The following ZNF644 variants were observed in gnomAD, a reference collection of about 807,000 sequenced individuals.
The protein encoded by ZNF644 is zinc finger protein 644.
A neutral mutation model predicts 108.0 loss-of-function variants in ZNF644; 20 were observed. That is an observed-to-expected ratio of 0.19 (90% confidence interval 0.13 to 0.27). The LOEUF (loss-of-function observed/expected upper bound fraction) is 0.27. Among genes scored for constraint, ZNF644 ranks in the 10% least tolerant of loss-of-function variants. The pLI, the probability that ZNF644 is intolerant of heterozygous loss-of-function variation, is 1.00. For missense variants in ZNF644, 1,338 were observed against 1,548.9 expected (o/e 0.86, Z 2.29); for synonymous variants, 542 against 539.1 (o/e 1.01, Z -0.08).
chr1:90,976,892 T>C (rs1656066488), intron 2 of ZNF644, among the ~76,000 whole-genome samples: 2 of 152,140 alleles, frequency 1.3e-5, no homozygotes, highest in Admixed American at 6.5e-5. Context: ...AATAAAGGCA[T>C]CACACTAGAA....
intron 4 of ZNF644, among the ~76,000 whole-genome samples, chr1:90,933,469 C>T (rs1650967292): frequency 6.6e-6 from 1 of 152,030 alleles, no homozygotes; most frequent in Non-Finnish European, 1.5e-5. Flanking sequence ...CGAGACCAGC[C>T]TGTCCAACAT....
At chr1:90,942,223 T>C (rs1229822270) in intron 2 of ZNF644, among the ~76,000 whole-genome samples, 1 of 152,190 alleles carries the variant, frequency 6.6e-6, no homozygotes, top group Non-Finnish European at 1.5e-5. Flanking sequence ...ACATATGTTT[T>C]AAATTTATTT....
At chr1:90,997,283 G>A (rs1053007906) in intron 1 of ZNF644, among the ~76,000 whole-genome samples, 1 of 152,148 alleles carries the variant, frequency 6.6e-6, no homozygotes, top group Non-Finnish European at 1.5e-5. Context: ...AGTGTTGAAG[G>A]AGCATCCCAA....
intron 2 of ZNF644, among the ~76,000 whole-genome samples, chr1:90,964,669 A>C (rs889404014): frequency 1.3e-5 from 2 of 152,190 alleles, no homozygotes; most frequent in Non-Finnish European, 2.9e-5. Flanking sequence ...TTTTTCCAAA[A>C]TACCACACTG....
At chr1:90,929,185 A>C (rs1388323072) in intron 4 of ZNF644, among the ~76,000 whole-genome samples, 1 of 152,206 alleles carries the variant, frequency 6.6e-6, no homozygotes, top group Non-Finnish European at 1.5e-5. Context: ...CAGAAAAAAA[A>C]GGAATCTCAA....
chr1:91,006,170 T>C (rs1232273423), intron 1 of ZNF644, among the ~76,000 whole-genome samples: 1 of 152,170 alleles, frequency 6.6e-6, no homozygotes, highest in African/African-American at 2.4e-5. Flanking sequence ...AAACCCAAAC[T>C]GTTGAAACTG....
At chr1:90,967,894 CAAA>C (rs147387016) in intron 2 of ZNF644, among the ~76,000 whole-genome samples, 2 of 123,424 alleles carry the variant, frequency 1.6e-5, no homozygotes, top group Admixed American at 8.3e-5. Flanking sequence ...AAAAAAAATA[CAAA>C]AAAAAAAAAA....
At chr1:91,001,983 ACCT>A (rs1658885385) in intron 1 of ZNF644, among the ~76,000 whole-genome samples, 1 of 152,190 alleles carries the variant, frequency 6.6e-6, no homozygotes, top group Admixed American at 6.5e-5. Flanking sequence ...GATCTGAAGG[ACCT>A]CCTCAAGGAG....
intron 1 of ZNF644, among the ~76,000 whole-genome samples, chr1:91,003,390 A>T (rs1659081311): frequency 6.6e-6 from 1 of 152,208 alleles, no homozygotes; most frequent in African/African-American, 2.4e-5. Context: ...AGGGACATGG[A>T]TGAAGCTGGA....
At chr1:90,950,777 T>C (rs1351249331) in intron 2 of ZNF644, among the ~76,000 whole-genome samples, 1 of 152,172 alleles carries the variant, frequency 6.6e-6, no homozygotes, top group Non-Finnish European at 1.5e-5. Context: ...GGGCTATGTA[T>C]GCCCCTGAAA....
intron 2 of ZNF644, among the ~76,000 whole-genome samples, chr1:90,960,111 G>C (rs111379069): frequency 1.3e-5 from 2 of 151,998 alleles, no homozygotes; most frequent in African/African-American, 2.4e-5. Context: ...ACTTAATAAT[G>C]GTCCCAAAGC....
intron 1 of ZNF644, among the ~76,000 whole-genome samples, chr1:91,019,774 C>T (rs914707410): frequency 5.3e-5 from 8 of 152,200 alleles, no homozygotes; most frequent in African/African-American, 1.7e-4. Flanking sequence ...ACCATGTTAG[C>T]CAGGATGGTC....
intron 1 of ZNF644, chr1:91,021,032 G>A (rs1026842877): frequency 6.6e-6 from 1 of 152,232 alleles, no homozygotes; most frequent in African/African-American, 2.4e-5. Context: ...CCCAACAAGA[G>A]TTGTCTGTAG....
chr1:90,969,286 C>T (rs1655231230), intron 2 of ZNF644, among the ~76,000 whole-genome samples: 1 of 152,128 alleles, frequency 6.6e-6, no homozygotes, highest in Admixed American at 6.5e-5. Flanking sequence ...CAGCCATCTG[C>T]AAGCCAAGGA....
chr1:90,918,743 C>T (rs559630920), intron 4 of ZNF644, among the ~76,000 whole-genome samples: 2 of 151,842 alleles, frequency 1.3e-5, no homozygotes, highest in East Asian at 3.9e-4. Context: ...GTATGCTGGC[C>T]CTACATTTGA....
chr1:90,927,819 T>A (rs992819813), intron 4 of ZNF644, among the ~76,000 whole-genome samples: 7 of 151,792 alleles, frequency 4.6e-5, no homozygotes, highest in East Asian at 3.9e-4. Flanking sequence ...CCTCTCTTCC[T>A]CCCTCCTTCA....
chr1:91,004,407 A>C (rs1272302284), intron 1 of ZNF644, among the ~76,000 whole-genome samples: 1 of 152,234 alleles, frequency 6.6e-6, no homozygotes, highest in Non-Finnish European at 1.5e-5. Flanking sequence ...AATGGTGTCA[A>C]AGTACTGAAA....
At position 91,019,376 on chromosome 1, in the gene ZNF644, C is replaced by A. The variant is rs184093228; in HGVS notation, c.-18+2614G>T. Among the ~76,000 whole-genome samples, 22 of 152,292 alleles carry A rather than the reference C, an allele frequency of 1.4e-4. No individual in the cohort carries two copies. The East Asian group carries it at 4.2e-3, about 29-fold the overall frequency. Reference sequence around the variant, plus strand: ...TGGCAATAACAGCAGTTATTTCAAACTTTCAAAGAAATTTATCAAGTCCCT... The same window carrying A: ...TGGCAATAACAGCAGTTATTTCAAAATTTCAAAGAAATTTATCAAGTCCCT... On this transcript the variant is annotated intron_variant, in intron 1 of 5. Transcript: ENST00000337393.
intron 1 of ZNF644, among the ~76,000 whole-genome samples, chr1:90,991,199 T>C (rs1368166350): frequency 6.6e-6 from 1 of 152,186 alleles, no homozygotes; most frequent in Non-Finnish European, 1.5e-5. Flanking sequence ...CATTTGTTAC[T>C]GGGAAACTGC....
Sources: allele counts gnomAD v4.1 joint callset (sites outside exome capture counted in the v4.1 genomes callset), GRCh38; gene constraint gnomAD v4.1.1; transcripts MANE v1.5; gene names NCBI Gene and HGNC (gene_info 2026-07-23, HGNC 2026-07-21).